The following SAMD5 variants were observed in gnomAD, a reference collection of about 807,000 sequenced individuals.
The protein encoded by SAMD5 is sterile alpha motif domain containing 5.
A neutral mutation model predicts 11.3 loss-of-function variants in SAMD5; 13 were observed. The ratio of observed to expected loss-of-function variants is 1.15; its 90% CI spans 0.75 to 1.83. The LOEUF is 1.83. Ranked by LOEUF, SAMD5 falls within the 40% of genes most tolerant of loss-of-function variation. SAMD5 has a pLI of 0.00. For missense variants in SAMD5, 255 were observed against 239.1 expected, an observed-to-expected ratio of 1.07 and a Z score of -0.44; for synonymous variants, 129 against 111.3, an observed-to-expected ratio of 1.16 and a Z score of -1.00.
the SAMD5 span, among the ~76,000 whole-genome samples, chr6:147,925,677 G>T: frequency 1.1e-4 from 14 of 130,822 alleles, no homozygotes; most frequent in Admixed American, 6.8e-4. Context: ...TTCTGACTGA[G>T]AATTCTTTTT....
chr6:147,558,456 G>A (rs1025420138), intron 1 of SAMD5, among the ~76,000 whole-genome samples: 1 of 152,092 alleles, frequency 6.6e-6, no homozygotes, highest in South Asian at 2.1e-4. Context: ...GATGGTATTC[G>A]GAGAACCTGA....
chr6:147,626,464 C>T (rs1350834109), intron 1 of SAMD5, among the ~76,000 whole-genome samples: 1 of 151,356 alleles, frequency 6.6e-6, no homozygotes, highest in Non-Finnish European at 1.5e-5. Flanking sequence ...TAATTGCCCC[C>T]ATCCCCTCAT....
At chr6:147,648,273 C>A (rs1337360273) in intron 1 of SAMD5, among the ~76,000 whole-genome samples, 1 of 152,056 alleles carries the variant, frequency 6.6e-6, no homozygotes, top group Non-Finnish European at 1.5e-5. Flanking sequence ...CTTCACAGGG[C>A]GGCAAGAAGG....
At chr6:147,907,407 T>C in the SAMD5 span, among the ~76,000 whole-genome samples, 1 of 151,758 alleles carries the variant, frequency 6.6e-6, no homozygotes, top group African/African-American at 2.4e-5. Context: ...GTGTCCCCCA[T>C]ATTATTAGGT....
At chr6:147,775,239 T>C in the SAMD5 span, among the ~76,000 whole-genome samples, 1 of 152,082 alleles carries the variant, frequency 6.6e-6, no homozygotes, top group Admixed American at 6.5e-5. Flanking sequence ...ATCCTGACTC[T>C]GCCATTTTCT....
intron 1 of SAMD5, among the ~76,000 whole-genome samples, chr6:147,696,552 G>T (rs185627447): frequency 6.6e-6 from 1 of 152,182 alleles, no homozygotes; most frequent in East Asian, 1.9e-4. Context: ...CCCAGCATAT[G>T]CACTGAGAGT....
the SAMD5 span, among the ~76,000 whole-genome samples, chr6:147,890,245 T>A: frequency 6.6e-6 from 1 of 151,842 alleles, no homozygotes; most frequent in African/African-American, 2.4e-5. Context: ...TAACCCAAGA[T>A]AATAACAGTC....
the SAMD5 span, among the ~76,000 whole-genome samples, chr6:147,904,696 G>A: frequency 6.6e-6 from 1 of 152,082 alleles, no homozygotes; most frequent in Non-Finnish European, 1.5e-5. Context: ...CTAAGCTAAG[G>A]AGCCTGGGAC....
intron 1 of SAMD5, among the ~76,000 whole-genome samples, chr6:147,656,770 CAAATGGTACCATTCCTATGAAGGAGG>C (rs1218997688): frequency 6.6e-6 from 1 of 152,088 alleles, no homozygotes; most frequent in Non-Finnish European, 1.5e-5. Flanking sequence ...GTGGGAATAG[CAAATGGTACCATTCCTATGAAGGAGG>C]ATTGGCAATA....
At chr6:147,583,818 A>AACACACACACACACACACACAC (rs3032052) in intron 1 of SAMD5, among the ~76,000 whole-genome samples, 126 of 149,490 alleles carry the variant, frequency 8.4e-4, no homozygotes, top group African/African-American at 2.9e-3. Flanking sequence ...GGAATTTTCA[A>AACACACACACACACACACACAC]ACACACACAC....
chr6:147,942,125 C>A, the SAMD5 span, among the ~76,000 whole-genome samples: 1 of 152,186 alleles, frequency 6.6e-6, no homozygotes, highest in South Asian at 2.1e-4. Flanking sequence ...GATCCACCCG[C>A]CTCGGCCTCC....
At chr6:147,822,896 C>A in the SAMD5 span, among the ~76,000 whole-genome samples, 2 of 152,172 alleles carry the variant, frequency 1.3e-5, no homozygotes, top group African/African-American at 4.8e-5. Flanking sequence ...CTCACCGCAA[C>A]CTCCACCTCC....
the SAMD5 span, among the ~76,000 whole-genome samples, chr6:147,841,216 T>C: frequency 6.6e-6 from 1 of 152,164 alleles, no homozygotes; most frequent in African/African-American, 2.4e-5. Flanking sequence ...CAGAGGAGCA[T>C]TTCTTGGTCT....
At chr6:147,919,049 C>G in the SAMD5 span, among the ~76,000 whole-genome samples, 1 of 152,088 alleles carries the variant, frequency 6.6e-6, no homozygotes, top group Admixed American at 6.5e-5. Flanking sequence ...CAGAATTGAG[C>G]TGAAATAAGG....
intron 1 of SAMD5, among the ~76,000 whole-genome samples, chr6:147,704,656 T>G (rs1201145721): frequency 6.6e-6 from 1 of 152,166 alleles, no homozygotes; most frequent in Non-Finnish European, 1.5e-5. Context: ...GGAAGAAAGA[T>G]AACCAGATCC....
At chr6:147,658,763 T>C (rs1234008632) in intron 1 of SAMD5, among the ~76,000 whole-genome samples, 5 of 152,056 alleles carry the variant, frequency 3.3e-5, no homozygotes, top group Non-Finnish European at 7.4e-5. Context: ...GGGGATTATG[T>C]TTATTTTGTG....
chr6:147,609,691 G>A (rs1056866203), intron 1 of SAMD5, among the ~76,000 whole-genome samples: 8 of 151,980 alleles, frequency 5.3e-5, no homozygotes, highest in African/African-American at 1.9e-4. Context: ...TGAGTAGCTG[G>A]GATTACAGGC....
intron 1 of SAMD5, among the ~76,000 whole-genome samples, chr6:147,527,322 A>G (rs1177133295): frequency 6.6e-6 from 1 of 152,226 alleles, no homozygotes; most frequent in Admixed American, 6.5e-5. Flanking sequence ...GGTGGAAGGC[A>G]AAGTGGTGAT....
intron 1 of SAMD5, among the ~76,000 whole-genome samples, chr6:147,588,989 G>A (rs1038640605): frequency 4.0e-5 from 6 of 151,856 alleles, no homozygotes; most frequent in African/African-American, 7.3e-5. Flanking sequence ...ATGAGGTCTC[G>A]CTCTGTCGCC....
Sources: gnomAD v4.1 joint callset for allele counts (sites outside exome capture counted in the v4.1 genomes callset) on GRCh38, gnomAD v4.1.1 for gene constraint, MANE v1.5 for transcripts, NCBI Gene and HGNC (gene_info 2026-07-23, HGNC 2026-07-21) for gene names.